ELAPOR2: variants seen among roughly 807,000 people sequenced by gnomAD.
The protein encoded by ELAPOR2 is endosome-lysosome associated apoptosis and autophagy regulator family member 2, also known as endosome/lysosome-associated apoptosis and autophagy regulator family member 2.
In ELAPOR2, 89 loss-of-function variants were observed where a neutral mutation model predicts 120.7. The ratio of observed to expected loss-of-function variants is 0.74; its 90% CI spans 0.62 to 0.88. ELAPOR2 has a LOEUF of 0.88. Among genes scored for constraint, ELAPOR2 ranks in the 40% least tolerant of loss-of-function variants. ELAPOR2 has a pLI of 0.00. For synonymous variants in ELAPOR2, 444 were observed against 444.9 expected (o/e 1.00, Z 0.03); for missense variants, 1,134 against 1,251.6 (o/e 0.91, Z 1.42).
chr7:87,054,507 G>A (rs1795205021), intron 1 of ELAPOR2, among the ~76,000 whole-genome samples: 2 of 152,322 alleles, frequency 1.3e-5, no homozygotes, highest in South Asian at 4.1e-4. Context: ...AACAGAGGCT[G>A]AGTCCTAACT....
At chr7:87,047,268 T>C (rs905081179) in intron 1 of ELAPOR2, among the ~76,000 whole-genome samples, 1 of 152,222 alleles carries the variant, frequency 6.6e-6, no homozygotes, top group Non-Finnish European at 1.5e-5. Context: ...TCCAGGATAT[T>C]GGTCTGGGCA....
In ELAPOR2 at chr7:86,890,998, C is replaced by T. The variant is rs983447768; in HGVS notation, c.3030+726G>A. Among the ~76,000 whole-genome samples, 4 of 152,020 alleles carry T rather than the reference C, an allele frequency of 2.6e-5. No individual in the cohort carries two copies. In the East Asian group the frequency reaches 7.7e-4, roughly 29 times the overall value. On this transcript the variant is annotated intron_variant, in intron 21 of 21. Transcript: ENST00000450689. ...AATCTTAAGTAAGCTGATAATTTCT[C>T]ATCTTTTAAGTCAATGGTGAAAAAT... is the stretch of plus-strand genomic sequence containing the variant.
chr7:86,976,490 A>T (rs1254990957), intron 1 of ELAPOR2, among the ~76,000 whole-genome samples: 1 of 152,196 alleles, frequency 6.6e-6, no homozygotes, highest in Non-Finnish European at 1.5e-5. Context: ...CTGAACTACA[A>T]TATAAACCAC....
At chr7:86,914,575 A>T (rs1789470402) in intron 13 of ELAPOR2, 148 bp downstream of exon 13, 4 of 521,386 alleles carry the variant, frequency 7.7e-6, no homozygotes, top group Middle Eastern at 3.6e-4. Context: ...ATCATTTTAT[A>T]CCACTGAATC....
chr7:86,981,048 G>C (rs1392705166), intron 1 of ELAPOR2, among the ~76,000 whole-genome samples: 1 of 152,108 alleles, frequency 6.6e-6, no homozygotes, highest in Non-Finnish European at 1.5e-5. Flanking sequence ...AGATTAGAGA[G>C]AGTTCTCTAT....
At chr7:86,883,016 T>G (rs1799487849) in intron 21 of ELAPOR2, among the ~76,000 whole-genome samples, 1 of 139,790 alleles carries the variant, frequency 7.2e-6, no homozygotes, top group East Asian at 2.0e-4. Flanking sequence ...GATGATCGTT[T>G]GAAAGGGGTG....
At chr7:86,894,753 G>C (rs1486843309) in intron 19 of ELAPOR2, among the ~76,000 whole-genome samples, 2 of 152,086 alleles carry the variant, frequency 1.3e-5, no homozygotes, top group Non-Finnish European at 2.9e-5. Flanking sequence ...TTCTTCTAGT[G>C]TGTAGAAATA....
chr7:86,901,937 G>C (rs1057105304), intron 18 of ELAPOR2, among the ~76,000 whole-genome samples: 2 of 152,186 alleles, frequency 1.3e-5, no homozygotes, highest in South Asian at 4.1e-4. Flanking sequence ...TGAGGCTAGA[G>C]ATTACAAATT....
intron 8 of ELAPOR2, among the ~76,000 whole-genome samples, chr7:86,936,658 T>A (rs1790571701): frequency 2.6e-5 from 4 of 152,078 alleles, no homozygotes; most frequent in Admixed American, 2.6e-4. Flanking sequence ...TTTGTGTGTA[T>A]GTGTGTACAC....
intron 2 of ELAPOR2, among the ~76,000 whole-genome samples, chr7:86,957,453 T>C (rs995648425): frequency 5.3e-5 from 8 of 152,340 alleles, no homozygotes; most frequent in South Asian, 4.1e-4. Flanking sequence ...GAAAGGATTA[T>C]ATATTCTGTC....
At chr7:87,028,913 C>A (rs981307002) in intron 1 of ELAPOR2, among the ~76,000 whole-genome samples, 1 of 152,186 alleles carries the variant, frequency 6.6e-6, no homozygotes, top group African/African-American at 2.4e-5. Context: ...CCTCTGAACA[C>A]TTAAAGTGCA....
At position 86,914,748 on chromosome 7, in the gene ELAPOR2, A is replaced by G; in HGVS notation, c.1706T>C (p.Phe569Ser). 3 of 1,611,220 alleles carry G rather than the reference A, an allele frequency of 1.9e-6. No homozygotes were observed. Among genetic ancestry groups the G allele is most frequent in the Non-Finnish European group, 2.5e-6 (3 of 1,178,752 alleles). Residue 569 changes from phenylalanine to serine, a missense_variant, in exon 13 of 22, where the codon TTC (phenylalanine) becomes TCC (serine). Phe to Ser is a radical substitution (Grantham distance 155). Transcript: ENST00000450689. ...ATCTTGACCCTGATTAGTTCTCTGG[A>G]ATGCCCATGTAAATGTAAAAGTTGC... is the stretch of plus-strand genomic sequence containing the variant. Reference protein sequence around the residue: ...KNATFTFTWAFQRTNQGQDNR... With the variant: ...KNATFTFTWASQRTNQGQDNR...
At chr7:87,053,825 C>G (rs1341620609) in intron 1 of ELAPOR2, among the ~76,000 whole-genome samples, 1 of 152,158 alleles carries the variant, frequency 6.6e-6, no homozygotes, top group Non-Finnish European at 1.5e-5. Context: ...CCAGCTAACT[C>G]CTACTCATCC....
chr7:86,895,331 T>A (rs1311818343), intron 19 of ELAPOR2, among the ~76,000 whole-genome samples: 1 of 152,050 alleles, frequency 6.6e-6, no homozygotes, highest in Non-Finnish European at 1.5e-5. Context: ...TCATACCAAT[T>A]TTTTATAGTT....
rs1584359168 is a variant in ELAPOR2, at chr7:86,926,873, T to G, written c.1133A>C (p.Glu378Ala). ...YKWIEPKICR[E>A]DLTDAIRLPP... Reference sequence around the variant, plus strand: ...CAATCTAATAGCATCTGTGAGATCCTCCCGGCAGATTTTGGGCTCTATCCA... The same window carrying G: ...CAATCTAATAGCATCTGTGAGATCCGCCCGGCAGATTTTGGGCTCTATCCA... The change falls in exon 9 of 22, where the codon GAG (glutamate) becomes GCG (alanine). Residue 378 changes from glutamate (E) to alanine (A), a missense_variant. By Grantham distance (107) the Glu-to-Ala change is moderately radical (BLOSUM62 -1). Around this residue, in one of 3 missense-constraint regions of ELAPOR2, gnomAD observed 831 missense variants for 867.6 expected, o/e 0.96. Coordinates refer to ENST00000450689, the MANE Select transcript of ELAPOR2 (RefSeq NM_001142749.3). 1.3e-6 allele frequency: 2 copies of G among 1,517,126 alleles called. No individual in the cohort carries two copies. Among genetic ancestry groups the G allele is most frequent in the Non-Finnish European group, 1.8e-6 (2 of 1,132,566 alleles). The allele number at this position is 1,517,126 out of a possible 1,614,324, so 94.0% of individuals were successfully genotyped here.
chr7:87,021,302 A>G (rs1794034249), intron 1 of ELAPOR2, among the ~76,000 whole-genome samples: 1 of 152,172 alleles, frequency 6.6e-6, no homozygotes, highest in Non-Finnish European at 1.5e-5. Context: ...ACCCAGGGAT[A>G]ATCACAGTTA....
intron 10 of ELAPOR2, among the ~76,000 whole-genome samples, chr7:86,921,371 C>T (rs990009988): frequency 7.2e-5 from 11 of 151,990 alleles, no homozygotes; most frequent in African/African-American, 2.7e-4. Flanking sequence ...GGGAGAGGAT[C>T]ATTTGAAGAC....
chr7:86,898,895 G>A (rs943080941), intron 18 of ELAPOR2, among the ~76,000 whole-genome samples: 2 of 152,124 alleles, frequency 1.3e-5, no homozygotes, highest in Non-Finnish European at 2.9e-5. Flanking sequence ...CAGGACCCTG[G>A]TCTTTTAGAG....
chr7:86,996,211 AAAG>A (rs1294250770), intron 1 of ELAPOR2, among the ~76,000 whole-genome samples: 2 of 152,234 alleles, frequency 1.3e-5, no homozygotes, highest in African/African-American at 4.8e-5. Flanking sequence ...CTGAAAGAGA[AAAG>A]AAGGAGAGCT....
Sources: allele counts gnomAD v4.1 joint callset (sites outside exome capture counted in the v4.1 genomes callset), GRCh38; gene constraint gnomAD v4.1.1; regional missense constraint gnomAD v4.1.1; transcripts MANE v1.5; gene names NCBI Gene and HGNC (gene_info 2026-07-23, HGNC 2026-07-21).